PPIP5K2: variants seen among roughly 807,000 people sequenced by gnomAD.
PPIP5K2 encodes the protein diphosphoinositol pentakisphosphate kinase 2.
Under a neutral mutation model 154.6 loss-of-function variants are expected in PPIP5K2, and 105 were observed. The ratio of observed to expected loss-of-function variants is 0.68; its 90% CI spans 0.58 to 0.80. The LOEUF is 0.80. Ranked by LOEUF, PPIP5K2 falls within the 30% of genes least tolerant of loss-of-function variation. The pLI, the probability that PPIP5K2 is intolerant of heterozygous loss-of-function variation, is 0.00. For synonymous variants in PPIP5K2, 480 were observed against 490.3 expected (o/e 0.98, Z 0.28); for missense variants, 992 against 1,504.6 (o/e 0.66, Z 5.64).
In PPIP5K2 at chr5:103,140,624, C is replaced by T. The variant is rs191151714; in HGVS notation, c.487+2155C>T. Among the ~76,000 whole-genome samples the T allele has an allele frequency of 1.3e-4, 20 of 150,614 alleles. No individual in the cohort carries two copies. In the East Asian group the frequency reaches 2.4e-3, roughly 18 times the overall value. ...CAGCACTTTGGGAGGCCGAGGCGGG[C>T]GGATCACGAGGTCAGGAGATCGAGA... On this transcript the variant is annotated intron_variant, in intron 5 of 30. Coordinates refer to ENST00000358359, the MANE Select transcript of PPIP5K2 (RefSeq NM_001276277.3).
chr5:103,143,589 A>T (rs1793218306), intron 5 of PPIP5K2, among the ~76,000 whole-genome samples: 1 of 152,234 alleles, frequency 6.6e-6, no homozygotes, highest in Non-Finnish European at 1.5e-5. Flanking sequence ...TTTACCTATC[A>T]GTAATAACGT....
In PPIP5K2 at chr5:103,138,410, C is replaced by T. The variant is rs1791950449; in HGVS notation, c.428C>T (p.Ala143Val). The T allele has an allele frequency of 1.9e-6, 3 of 1,601,354 alleles. No homozygotes were observed. The highest frequency in any genetic ancestry group is 2.2e-5 in the South Asian group (2 of 90,560). Residue 143 changes from alanine to valine, a missense_variant, in exon 5 of 31, where the codon GCT becomes GTT. By Grantham distance (64) the Ala-to-Val change is moderately conservative. Coordinates refer to ENST00000358359, the MANE Select transcript of PPIP5K2 (RefSeq NM_001276277.3). Reference sequence around the variant, plus strand: ...AGAGAAGTATATAGTATTCTTCAAGCTGAAGGTATTTTACTTCCTCGTTAT... The same window carrying T: ...AGAGAAGTATATAGTATTCTTCAAGTTGAAGGTATTTTACTTCCTCGTTAT... ...DRREVYSILQ[A>V]EGILLPRYAI...
rs975868554 is a variant in PPIP5K2 at position 103,156,879 on chromosome 5, A to C, written c.1489+885A>C. On this transcript the variant is annotated intron_variant, in intron 14 of 30. Coordinates refer to ENST00000358359, the MANE Select transcript of PPIP5K2 (RefSeq NM_001276277.3). ...TTATTTATAGTAGCAAAAATTAATG[A>C]TTATCTTAAATGCAGACACATATTT... Among the ~76,000 whole-genome samples, 5 of 152,274 alleles carry C rather than the reference A, an allele frequency of 3.3e-5. No individual in the cohort carries two copies. In the South Asian group the frequency reaches 1.0e-3, roughly 32 times the overall value.
Position 103,212,346 on chromosome 5 carries a change from A to G in PPIP5K2, c.*10712A>G, listed in dbSNP as rs1803850817. ...ACACTGAAGACATTCTCACAATTTAAAACAAGTTGTAAACTACAGGAAACA... is the reference window on the plus strand; with the variant it reads ...ACACTGAAGACATTCTCACAATTTAGAACAAGTTGTAAACTACAGGAAACA... On this transcript the variant is annotated 3_prime_UTR_variant, in exon 31 of 31. Coordinates refer to ENST00000358359, the MANE Select transcript of PPIP5K2 (RefSeq NM_001276277.3). 6.6e-6 allele frequency: 1 copy of G among 152,646 alleles called. No individual in the cohort carries two copies. The highest frequency in any genetic ancestry group is 6.5e-5 in the Admixed American group (1 of 15,268). 9.5% of individuals were successfully genotyped at this position (152,646 alleles called of 1,614,324 possible). A position where few individuals can be genotyped will look rare whatever the true frequency, so the allele number is the denominator to read the frequency against.
chr5:103,174,001 C>A (rs1554220249), intron 21 of PPIP5K2, 29 bp downstream of exon 21: 2 of 1,431,298 alleles, frequency 1.4e-6, no homozygotes, highest in East Asian at 4.6e-5. Flanking sequence ...TTCAGTCTAA[C>A]AAATATATTT....
chr5:103,173,779 AT>A (rs1798314637), intron 20 of PPIP5K2, 78 bp from the exon 21 acceptor site: 2 of 966,110 alleles, frequency 2.1e-6, no homozygotes, highest in African/African-American at 1.7e-5. Context: ...ATTACATTTA[AT>A]TTTAGAAAAT....
At chr5:103,174,204 T>C in intron 21 of PPIP5K2, 1 of 350,796 alleles carries the variant, frequency 2.9e-6, no homozygotes, top group East Asian at 5.8e-5. Context: ...TTTTAGGTGA[T>C]TTTATAGACT....
intron 1 of PPIP5K2, among the ~76,000 whole-genome samples, chr5:103,126,439 A>G (rs1789687249): frequency 6.6e-6 from 1 of 152,222 alleles, no homozygotes; most frequent in Non-Finnish European, 1.5e-5. Context: ...TTACACACAT[A>G]TTTTGTAAAG....
rs1424883989 is a variant in PPIP5K2 at position 103,167,277 on chromosome 5, G to A, written c.2019G>A (p.Leu673=). 1 of 1,590,172 alleles carries A rather than the reference G, an allele frequency of 6.3e-7. No homozygotes were observed. The change falls in exon 18 of 31, where the codon TTG becomes TTA. Residue 673 remains leucine, a synonymous_variant. Coordinates refer to ENST00000358359, the MANE Select transcript of PPIP5K2 (RefSeq NM_001276277.3). ...CDKVYSLIQS[L]TSQIRHRMED... ...AAGTTTATTCCTTAATTCAGAGTTT[G>A]ACTTCTCAAATCAGACATCGAATGG...
chr5:103,194,618 G>T (rs782525721), intron 29 of PPIP5K2, among the ~76,000 whole-genome samples: 1 of 152,046 alleles, frequency 6.6e-6, no homozygotes, highest in Admixed American at 6.6e-5. Context: ...CTCAGTTTCT[G>T]TAAGGAAAGG....
At position 103,158,261 on chromosome 5, in the gene PPIP5K2, C is replaced by A; in HGVS notation, c.1563C>A (p.Val521=). The part of the protein sequence containing the change: ...WGGELTPAGR[V]QAEELGRAFR... The stretch of plus-strand genomic sequence containing the variant: ...GTGAATTAACTCCTGCAGGCAGGGT[C>A]CAGGCTGAAGAACTTGGAAGAGCCT... Residue 521 remains valine, a synonymous_variant, in exon 15 of 31, where the codon GTC becomes GTA. Transcript: ENST00000358359. 1 of 1,614,044 alleles carries A rather than the reference C, an allele frequency of 6.2e-7. No homozygotes were observed. Among genetic ancestry groups the A allele is most frequent in the Non-Finnish European group, 8.5e-7 (1 of 1,179,956 alleles).
intron 26 of PPIP5K2, among the ~76,000 whole-genome samples, chr5:103,186,089 T>C (rs1249543805): frequency 1.3e-5 from 2 of 152,148 alleles, no homozygotes; most frequent in East Asian, 3.8e-4. Context: ...TAACATTTTG[T>C]CCAATGTTAA....
intron 29 of PPIP5K2, among the ~76,000 whole-genome samples, chr5:103,193,658 CCATTAGTGACTACTTTTTATTTT>C (rs1801618347): frequency 6.6e-6 from 1 of 152,114 alleles, no homozygotes; most frequent in Non-Finnish European, 1.5e-5. Context: ...TAGATTATTT[CCATTAGTGACTACTTTTTATTTT>C]CATTAGTGAC....
Position 103,177,777 on chromosome 5 carries a change from A to T in PPIP5K2, c.2637+3A>T. 6.2e-7 allele frequency: 1 copy of T among 1,604,524 alleles called. No individual in the cohort carries two copies. The highest frequency in any genetic ancestry group is 2.2e-5 in the East Asian group (1 of 44,674). Reference sequence around the variant, plus strand: ...TGCTTTATGAGGATCCTAATAAGGTAAACAGAGCTCTTGATTTGTGTTTTA... The same window carrying T: ...TGCTTTATGAGGATCCTAATAAGGTTAACAGAGCTCTTGATTTGTGTTTTA... On this transcript the variant is annotated splice_donor_region_variant and intron_variant, in intron 22 of 30. Coordinates refer to ENST00000358359, the MANE Select transcript of PPIP5K2 (RefSeq NM_001276277.3).
rs1554232393 is a variant in PPIP5K2 at position 103,208,321 on chromosome 5, C to T, written c.*6687C>T. ...GGCCAGGCTGGTCTCGAACTCCTGACCTCATGATCTTCCTGCCTCAGCCTC... is the reference window on the plus strand; with the variant it reads ...GGCCAGGCTGGTCTCGAACTCCTGATCTCATGATCTTCCTGCCTCAGCCTC... On this transcript the variant is annotated 3_prime_UTR_variant, in exon 31 of 31. Transcript: ENST00000358359. The T allele has an allele frequency of 6.6e-6, 1 of 152,170 alleles. No homozygotes were observed. Among genetic ancestry groups the T allele is most frequent in the Non-Finnish European group, 1.5e-5 (1 of 68,102 alleles). The allele number at this position is 152,170 out of a possible 1,614,324, so 9.4% of individuals were successfully genotyped here.
intron 1 of PPIP5K2, chr5:103,120,852 G>A (rs1554198758): frequency 1.1e-5 from 2 of 175,840 alleles, no homozygotes; most frequent in East Asian, 1.5e-4. Context: ...GGTAGAGGTG[G>A]CTTTTTAAAA....
At chr5:103,195,144 G>A (rs2149822430) in intron 30 of PPIP5K2, 119 bp downstream of exon 30, 1 of 1,243,458 alleles carries the variant, frequency 8.0e-7, no homozygotes, top group East Asian at 2.5e-5. Context: ...AGAGCGTAAT[G>A]ATCCTAAGGG....
chr5:103,141,772 C>T (rs567347847), intron 5 of PPIP5K2, among the ~76,000 whole-genome samples: 9 of 152,022 alleles, frequency 5.9e-5, no homozygotes, highest in African/African-American at 2.2e-4. Flanking sequence ...TACAGAGTGC[C>T]GATTGGAGTA....
At chr5:103,168,377 GGTTTTCA>G (rs1797458386) in intron 19 of PPIP5K2, 82 bp downstream of exon 19, 1 of 1,066,154 alleles carries the variant, frequency 9.4e-7, no homozygotes, top group African/African-American at 1.7e-5. Context: ...AAAGGTAGTT[GGTTTTCA>G]TGTCCTTGGA....
Sources: gnomAD v4.1 joint callset for allele counts (sites outside exome capture counted in the v4.1 genomes callset) on GRCh38, gnomAD v4.1.1 for gene constraint, MANE v1.5 for transcripts, NCBI Gene and HGNC (gene_info 2026-07-23, HGNC 2026-07-21) for gene names.